Variants in LMNTD1 observed in about 807,000 individuals in gnomAD.
LMNTD1 encodes lamin tail domain containing 1.
Under a neutral mutation model 50.9 loss-of-function variants are expected in LMNTD1, and 35 were observed. The ratio of observed to expected loss-of-function variants is 0.69; its 90% CI spans 0.53 to 0.91. LMNTD1 has a LOEUF of 0.91. Ranked by LOEUF, LMNTD1 falls within the 40% of genes least tolerant of loss-of-function variation. LMNTD1 has a pLI of 0.00. For synonymous variants in LMNTD1, 153 were observed against 161.9 expected, an observed-to-expected ratio of 0.94 and a Z score of 0.42; for missense variants, 470 against 475.5, an observed-to-expected ratio of 0.99 and a Z score of 0.11.
At chr12:25,510,354 T>C (rs1400649086) in intron 8 of LMNTD1, among the ~76,000 whole-genome samples, 1 of 152,122 alleles carries the variant, frequency 6.6e-6, no homozygotes, top group Non-Finnish European at 1.5e-5. Context: ...AGGCTATCAT[T>C]CCATTATCTT....
intron 1 of LMNTD1, among the ~76,000 whole-genome samples, chr12:25,646,938 G>A (rs1400840502): frequency 1.3e-5 from 2 of 152,154 alleles, no homozygotes; most frequent in Non-Finnish European, 2.9e-5. Flanking sequence ...TTAAATCTGA[G>A]AGGTTGTTGA....
chr12:25,611,750 T>C (rs1331963715), intron 1 of LMNTD1, among the ~76,000 whole-genome samples: 2 of 152,212 alleles, frequency 1.3e-5, no homozygotes, highest in Non-Finnish European at 2.9e-5. Context: ...ATTTTTCCAG[T>C]CAAGTGGTCT....
intron 1 of LMNTD1, among the ~76,000 whole-genome samples, chr12:25,630,986 C>A (rs1946706083): frequency 6.6e-6 from 1 of 152,166 alleles, no homozygotes; most frequent in Non-Finnish European, 1.5e-5. Context: ...GTGAGACCAG[C>A]CCTTCAGTTT....
intron 1 of LMNTD1, among the ~76,000 whole-genome samples, chr12:25,577,154 A>C (rs1945060202): frequency 6.6e-6 from 1 of 152,238 alleles, no homozygotes; most frequent in African/African-American, 2.4e-5. Flanking sequence ...CTTTTGGCTT[A>C]GGATTGTCTT....
chr12:25,574,159 C>T (rs1944904810), intron 1 of LMNTD1, among the ~76,000 whole-genome samples: 1 of 152,174 alleles, frequency 6.6e-6, no homozygotes, highest in African/African-American at 2.4e-5. Context: ...TTGTCTTTGA[C>T]AAACTTTCTT....
chr12:25,479,016 A>G (rs1405782265), intron 9 of LMNTD1, among the ~76,000 whole-genome samples: 1 of 152,130 alleles, frequency 6.6e-6, no homozygotes, highest in Non-Finnish European at 1.5e-5. Context: ...GAGATGCCCT[A>G]AGGGATCTCC....
At chr12:25,548,213 A>G (rs562956482) in intron 3 of LMNTD1, among the ~76,000 whole-genome samples, 7 of 151,570 alleles carry the variant, frequency 4.6e-5, no homozygotes, top group African/African-American at 1.7e-4. Context: ...AGAAAAAAAA[A>G]CCCTATATAA....
chr12:25,560,099 A>G (rs1157190277), intron 1 of LMNTD1, among the ~76,000 whole-genome samples: 1 of 152,178 alleles, frequency 6.6e-6, no homozygotes, highest in Admixed American at 6.5e-5. Flanking sequence ...TTGGTGTTTT[A>G]GACATGAAGT....
At position 25,575,364 on chromosome 12, in the gene LMNTD1, A is replaced by T. The variant is rs1056745589; in HGVS notation, c.59-28810T>A. 2.0e-5 allele frequency among the ~76,000 whole-genome samples: 3 copies of T among 152,298 alleles called. No homozygotes were observed. The East Asian group carries it at 5.8e-4, about 29-fold the overall frequency. On this transcript the variant is annotated intron_variant, in intron 1 of 7. Coordinates refer to the LMNTD1 transcript ENST00000445693. ...TGAAAAACCTCTAGAAGAGAATTTA[A>T]TTTGAAGTGGTCTCTGACTGGTAGT...
At chr12:25,503,976 T>C (rs1244352830) in intron 8 of LMNTD1, among the ~76,000 whole-genome samples, 176 bp from the exon 9 acceptor site, 1 of 152,210 alleles carries the variant, frequency 6.6e-6, no homozygotes, top group Non-Finnish European at 1.5e-5. Context: ...AGGATAGTAT[T>C]TAGGGGAGAC....
At chr12:25,560,350 T>G (rs1944249137) in intron 1 of LMNTD1, among the ~76,000 whole-genome samples, 2 of 152,212 alleles carry the variant, frequency 1.3e-5, no homozygotes, top group African/African-American at 4.8e-5. Flanking sequence ...ATCAGATAGT[T>G]GTAGATATGT....
At chr12:25,549,673 G>A (rs1354330306) in intron 2 of LMNTD1, 127 bp from the exon 3 acceptor site, 1 of 456,838 alleles carries the variant, frequency 2.2e-6, no homozygotes, top group Non-Finnish European at 3.8e-6. Flanking sequence ...TCCAACACAA[G>A]CACAATAACA....
chr12:25,602,135 G>A (rs1302322151), intron 1 of LMNTD1, among the ~76,000 whole-genome samples: 1 of 151,652 alleles, frequency 6.6e-6, no homozygotes, highest in Non-Finnish European at 1.5e-5. Context: ...CAGAAAGAAG[G>A]GGTACTGACT....
In LMNTD1 at chr12:25,618,831, G is replaced by A. The variant is rs138149946; in HGVS notation, c.58+29663C>T. On this transcript the variant is annotated intron_variant, in intron 1 of 7. Coordinates refer to the LMNTD1 transcript ENST00000445693. ...CATATTTTGGCTAGTAAAGTACAAA[G>A]ATGGCTAAGCTATGAGCTTCTTGCC... Among the ~76,000 whole-genome samples, 9 of 152,294 alleles carry A rather than the reference G, an allele frequency of 5.9e-5. No individual in the cohort carries two copies. The East Asian group carries it at 1.5e-3, about 26-fold the overall frequency.
rs540331705 is a variant in LMNTD1, at chr12:25,549,262, T to G, written c.310+64A>C. 59 of 836,598 alleles carry G rather than the reference T, an allele frequency of 7.1e-5. 1 individual carries two copies. The African/African-American group carries it at 9.7e-4, about 14-fold the overall frequency. The allele number at this position is 836,598 out of a possible 1,614,324, so 51.8% of individuals were successfully genotyped here. On this transcript the variant is annotated intron_variant, in intron 3 of 9. Coordinates refer to ENST00000458174, the MANE Select transcript of LMNTD1 (RefSeq NM_001145728.2). Reference sequence around the variant, plus strand: ...CATCATTCTGACTGAGAGTCATATATGCAATCTATTGAAATATAAGCTTTA... The same window carrying G: ...CATCATTCTGACTGAGAGTCATATAGGCAATCTATTGAAATATAAGCTTTA...
At chr12:25,597,641 A>G (rs1945871748) in intron 1 of LMNTD1, among the ~76,000 whole-genome samples, 1 of 152,186 alleles carries the variant, frequency 6.6e-6, no homozygotes, top group Non-Finnish European at 1.5e-5. Context: ...ACTATAGGCC[A>G]AAAGGATCTA....
chr12:25,517,971 T>C (rs1678550), intron 8 of LMNTD1, among the ~76,000 whole-genome samples: 112,402 of 151,804 alleles, frequency 0.74, 42,546 homozygotes, highest in East Asian at 0.88. Flanking sequence ...GGGTCATGAG[T>C]AGTGGAAATT....
chr12:25,600,175 G>A (rs1592090875), intron 1 of LMNTD1, among the ~76,000 whole-genome samples: 1 of 151,822 alleles, frequency 6.6e-6, no homozygotes, highest in South Asian at 2.1e-4. Flanking sequence ...TTTGAAAAAG[G>A]TGCCAAGAAC....
intron 1 of LMNTD1, among the ~76,000 whole-genome samples, chr12:25,568,708 C>G (rs1410996703): frequency 1.3e-5 from 2 of 152,214 alleles, no homozygotes; most frequent in African/African-American, 4.8e-5. Flanking sequence ...AGCCATGGCT[C>G]AAAGTGCCCC....
Sources: allele counts gnomAD v4.1 joint callset (sites outside exome capture counted in the v4.1 genomes callset), GRCh38; gene constraint gnomAD v4.1.1; transcripts MANE v1.5; gene names NCBI Gene and HGNC (gene_info 2026-07-23, HGNC 2026-07-21).